Variants in DIAPH2 observed in about 807,000 individuals in gnomAD.
DIAPH2 encodes the protein diaphanous related formin 2.
Under a neutral mutation model 92.7 loss-of-function variants are expected in DIAPH2, and 35 were observed. The observed-to-expected ratio is 0.38, with a 90% CI of 0.29 to 0.50. The LOEUF (loss-of-function observed/expected upper bound fraction) is 0.50, where lower values mean the gene tolerates loss of function less well. Among genes scored for constraint, DIAPH2 ranks in the 20% least tolerant of loss-of-function variants. DIAPH2 has a pLI of 0.94. For missense variants in DIAPH2, 701 were observed against 819.5 expected (o/e 0.86, Z 1.77); for synonymous variants, 301 against 280.4 (o/e 1.07, Z -0.73).
chrX:96,851,472 C>G (rs777370402), intron 4 of DIAPH2, among the ~76,000 whole-genome samples: 1 of 111,642 alleles, frequency 9.0e-6, no homozygotes, highest in Non-Finnish European at 1.9e-5. Context: ...AACCACCCCC[C>G]CTTGCCAAAT....
chrX:96,785,443 A>C (rs2064447744), intron 4 of DIAPH2, among the ~76,000 whole-genome samples: 2 of 104,783 alleles, frequency 1.9e-5, no homozygotes, highest in Admixed American at 1.0e-4. Context: ...GAAAGGTGGA[A>C]GGGTAAAGAG....
intron 4 of DIAPH2, among the ~76,000 whole-genome samples, chrX:96,858,102 A>G (rs2065051389): frequency 8.9e-6 from 1 of 112,462 alleles, no homozygotes; most frequent in Non-Finnish European, 1.9e-5. Flanking sequence ...AAAATATTTG[A>G]TGAATACATG....
intron 24 of DIAPH2, among the ~76,000 whole-genome samples, chrX:97,374,140 G>A (rs747228002): frequency 1.3e-3 from 148 of 111,139 alleles, no homozygotes; most frequent in African/African-American, 4.7e-3. Flanking sequence ...CAGGGCTTCA[G>A]GGGAAGGTGA....
chrX:96,961,601 TC>T (rs1177977404), intron 16 of DIAPH2, among the ~76,000 whole-genome samples: 2 of 110,040 alleles, frequency 1.8e-5, no homozygotes, highest in African/African-American at 6.6e-5. Flanking sequence ...CTTTTTTAGT[TC>T]CTTCAGGTGC....
At chrX:96,735,525 T>C (rs2064081157) in intron 1 of DIAPH2, among the ~76,000 whole-genome samples, 1 of 111,590 alleles carries the variant, frequency 9.0e-6, no homozygotes, top group Admixed American at 9.6e-5. Flanking sequence ...ATTTGGGACA[T>C]TGGGAGCCGT....
chrX:97,304,919 T>A (rs1275768195), intron 23 of DIAPH2, among the ~76,000 whole-genome samples: 2 of 111,978 alleles, frequency 1.8e-5, no homozygotes, highest in African/African-American at 3.2e-5. Context: ...TTGCATTTGT[T>A]CTTAGGTAGT....
intron 23 of DIAPH2, among the ~76,000 whole-genome samples, chrX:97,309,643 A>G (rs2068777328): frequency 8.9e-6 from 1 of 111,854 alleles, no homozygotes. Flanking sequence ...GAATCTCCTT[A>G]TCGTTGCCAG....
At chrX:97,366,669 G>A (rs2069384229) in intron 24 of DIAPH2, among the ~76,000 whole-genome samples, 1 of 111,166 alleles carries the variant, frequency 9.0e-6, no homozygotes, top group Non-Finnish European at 1.9e-5. Context: ...CATTAGAGAA[G>A]GACTATTCTT....
chrX:96,750,477 T>C (rs1298402094), intron 3 of DIAPH2, among the ~76,000 whole-genome samples: 1 of 112,330 alleles, frequency 8.9e-6, no homozygotes, highest in Non-Finnish European at 1.9e-5. Flanking sequence ...TCTTCTTGAC[T>C]CTGTAGTATT....
intron 26 of DIAPH2, among the ~76,000 whole-genome samples, chrX:97,512,188 A>C (rs1384384333): frequency 2.4e-3 from 268 of 112,445 alleles, no homozygotes; most frequent in African/African-American, 8.1e-3. Flanking sequence ...AATTTCAGAG[A>C]CTCTTATTGG....
intron 26 of DIAPH2, among the ~76,000 whole-genome samples, chrX:97,445,679 C>T (rs1330356111): frequency 9.2e-6 from 1 of 108,968 alleles, no homozygotes; most frequent in Non-Finnish European, 1.9e-5. Flanking sequence ...AACTCCTGAC[C>T]TCAGGTGATC....
chrX:96,851,563 A>G (rs2065006549), intron 4 of DIAPH2, among the ~76,000 whole-genome samples: 1 of 112,339 alleles, frequency 8.9e-6, no homozygotes, highest in Non-Finnish European at 1.9e-5. Flanking sequence ...TAGATTACTT[A>G]TAATACCAAA....
chrX:97,149,922 C>A (rs1203111332), intron 22 of DIAPH2, among the ~76,000 whole-genome samples: 1 of 110,162 alleles, frequency 9.1e-6, no homozygotes, highest in African/African-American at 3.3e-5. Context: ...CTCACTCTCA[C>A]CAAGTCAGTC....
At chrX:96,954,074 G>A (rs886719783) in intron 15 of DIAPH2, 2 of 111,901 alleles carry the variant, frequency 1.8e-5, no homozygotes, top group East Asian at 5.6e-4. Flanking sequence ...TGTTAAACAG[G>A]AGTGACAGCT....
intron 19 of DIAPH2, among the ~76,000 whole-genome samples, chrX:97,076,618 C>T (rs1247712095): frequency 9.0e-6 from 1 of 111,441 alleles, no homozygotes; most frequent in Admixed American, 9.5e-5. Flanking sequence ...TGCCATATTC[C>T]CTGCAAACTC....
At chrX:97,303,834 G>A (rs776436062) in intron 23 of DIAPH2, among the ~76,000 whole-genome samples, 1 of 111,836 alleles carries the variant, frequency 8.9e-6, no homozygotes, top group African/African-American at 3.2e-5. Flanking sequence ...GTGTGTGTGT[G>A]TGTAATACTT....
intron 5 of DIAPH2, among the ~76,000 whole-genome samples, chrX:96,894,974 ATTTTTTTT>A (rs766131166): frequency 8.4e-5 from 5 of 59,530 alleles, no homozygotes; most frequent in Admixed American, 2.3e-4. Flanking sequence ...GTTTTTCTTA[ATTTTTTTT>A]TTTTTTTTTT....
intron 22 of DIAPH2, among the ~76,000 whole-genome samples, chrX:97,160,970 T>C (rs2067365794): frequency 9.0e-6 from 1 of 110,891 alleles, no homozygotes; most frequent in Admixed American, 9.6e-5. Flanking sequence ...TGAATTCTTC[T>C]TATTTTAACT....
In DIAPH2 at chrX:96,803,312, A is replaced by G. The variant is rs140660155; in HGVS notation, c.447+45054A>G. ...TTTTCTTTACTAACTTAGATTATAC[A>G]TAATAAATGATAATTTTATTTTTAA... On this transcript the variant is annotated intron_variant, in intron 4 of 26. Transcript: ENST00000324765. Among the ~76,000 whole-genome samples, 420 of 111,955 alleles carry G rather than the reference A, an allele frequency of 3.8e-3. 3 individuals carry two copies. Among genetic ancestry groups the G allele is most frequent in the African/African-American group, 0.012 (375 of 30,828 alleles).
Sources: gnomAD v4.1 joint callset for allele counts (sites outside exome capture counted in the v4.1 genomes callset) on GRCh38, gnomAD v4.1.1 for gene constraint, MANE v1.5 for transcripts, NCBI Gene and HGNC (gene_info 2026-07-23, HGNC 2026-07-21) for gene names.